ITPKC: variants seen among roughly 807,000 people sequenced by gnomAD.
ITPKC encodes IP3 3-kinase C.
A neutral mutation model predicts 67.1 loss-of-function variants in ITPKC; 33 were observed. The ratio of observed to expected loss-of-function variants is 0.49; its 90% CI spans 0.37 to 0.66. ITPKC has a LOEUF of 0.66. ITPKC is among the 30% of genes least tolerant of loss of function. ITPKC has a pLI of 0.00. For missense variants in ITPKC, 820 were observed against 892.1 expected (o/e 0.92, Z 1.03); for synonymous variants, 341 against 359.8 (o/e 0.95, Z 0.59).
intron 4 of ITPKC, 88 bp from the exon 5 acceptor site, chr19:40,736,898 G>A (rs745651816): frequency 4.2e-5 from 34 of 805,254 alleles, no homozygotes; most frequent in Admixed American, 3.2e-4. Flanking sequence ...CACCGCGCCC[G>A]GCCTCCTGGG....
chr19:40,718,354 C>T (rs952641984), intron 1 of ITPKC, 64 bp downstream of exon 1: 38 of 1,474,008 alleles, frequency 2.6e-5, no homozygotes, highest in Non-Finnish European at 3.2e-5. Flanking sequence ...TCCGCCTTTG[C>T]TTAGGAAGTT....
In ITPKC at chr19:40,737,024, G is replaced by A. The variant is rs1021459722; in HGVS notation, c.1713G>A (p.Thr571=). The stretch of plus-strand genomic sequence containing the variant: ...CCTGTAACACCAACTTCAAGAAGAC[G>A]CAGGCACTGGAGCAGGTGACAAAAG... ...DGTCNTNFKK[T]QALEQVTKVL... The change falls in exon 5 of 7, where the codon ACG becomes ACA. Residue 571 remains threonine (T), a synonymous_variant. Coordinates refer to ENST00000263370, the MANE Select transcript of ITPKC (RefSeq NM_025194.3). The A allele has an allele frequency of 9.4e-6, 15 of 1,594,808 alleles. No homozygotes were observed. Among genetic ancestry groups the A allele is most frequent in the Middle Eastern group, 3.3e-4 (2 of 6,056 alleles).
Position 40,733,872 on chromosome 19 carries a change from C to T in ITPKC, c.1674+508C>T, listed in dbSNP as rs896076800. On this transcript the variant is annotated intron_variant, in intron 4 of 6. Coordinates refer to ENST00000263370, the MANE Select transcript of ITPKC (RefSeq NM_025194.3). Reference sequence around the variant, plus strand: ...AGTAGTTCAGGACTAAGCTGGCCAACATAGGGAGCTTCTGTTTCTAGAAGA... The same window carrying T: ...AGTAGTTCAGGACTAAGCTGGCCAATATAGGGAGCTTCTGTTTCTAGAAGA... 3.3e-5 allele frequency among the ~76,000 whole-genome samples: 5 copies of T among 152,068 alleles called. No individual in the cohort carries two copies. In the East Asian group the frequency reaches 9.6e-4, roughly 29 times the overall value.
Position 40,738,377 on chromosome 19 carries a change from C to T in ITPKC, c.1848+608C>T, listed in dbSNP as rs111332869. ...CCGGGAGGTGGAGCTTGCAGTGAGCCGAGATTGTGCCGCTGCACTCCAGCC... is the reference window on the plus strand; with the variant it reads ...CCGGGAGGTGGAGCTTGCAGTGAGCTGAGATTGTGCCGCTGCACTCCAGCC... On this transcript the variant is annotated intron_variant, in intron 6 of 6. Coordinates refer to ENST00000263370, the MANE Select transcript of ITPKC (RefSeq NM_025194.3). Among the ~76,000 whole-genome samples, 579 of 151,952 alleles carry T rather than the reference C, an allele frequency of 3.8e-3. 4 individuals carry two copies. Among genetic ancestry groups the T allele is most frequent in the African/African-American group, 0.014 (568 of 41,432 alleles).
At chr19:40,722,431 C>T (rs1413535285) in intron 1 of ITPKC, among the ~76,000 whole-genome samples, 9 of 152,184 alleles carry the variant, frequency 5.9e-5, no homozygotes. Context: ...GGGCCGGCAG[C>T]TGGATTGGGG....
chr19:40,737,875 G>T, intron 6 of ITPKC, 106 bp downstream of exon 6: 4 of 1,003,132 alleles, frequency 4.0e-6, no homozygotes, highest in Non-Finnish European at 6.3e-6. Context: ...AAGGGGCTGG[G>T]CGTTGTGGCC....
Position 40,717,533 on chromosome 19 carries a change from C to A in ITPKC, c.398C>A (p.Thr133Lys), listed in dbSNP as rs1472682473. 1.9e-6 allele frequency: 3 copies of A among 1,614,130 alleles called. No individual in the cohort carries two copies. The change falls in exon 1 of 7, where the codon ACG becomes AAG. Residue 133 changes from threonine to lysine, a missense_variant. Physicochemically the swap from Thr to Lys is moderately conservative, Grantham distance 78. Coordinates refer to ENST00000263370, the MANE Select transcript of ITPKC (RefSeq NM_025194.3). ...HLEWSWSELE[T>K]TCLWTETGTD... is the part of the protein sequence containing the mutation. ...GAATGGAGCTGGTCAGAGCTGGAGA[C>A]GACTTGTCTTTGGACGGAGACCGGG...
At chr19:40,733,003 CA>C (rs1281024264) in intron 3 of ITPKC, among the ~76,000 whole-genome samples, 156 bp from the exon 4 acceptor site, 1 of 152,180 alleles carries the variant, frequency 6.6e-6, no homozygotes, top group African/African-American at 2.4e-5. Context: ...CATAACTGCA[CA>C]ACTCTACGTG....
chr19:40,736,561 T>C (rs952415199), intron 4 of ITPKC, among the ~76,000 whole-genome samples: 10 of 152,166 alleles, frequency 6.6e-5, no homozygotes, highest in African/African-American at 2.4e-4. Flanking sequence ...TCGAATGTAG[T>C]GGTGCAATCA....
chr19:40,725,476 C>A (rs1291881486), intron 2 of ITPKC, 37 bp downstream of exon 2: 1 of 1,373,800 alleles, frequency 7.3e-7, no homozygotes, highest in Non-Finnish European at 1.0e-6. Context: ...TGGGCAGAGT[C>A]TCCTGGGCCA....
At position 40,717,735 on chromosome 19, in the gene ITPKC, C is replaced by T. The variant is rs1411120391; in HGVS notation, c.600C>T (p.Asn200=). 3.1e-6 allele frequency: 5 copies of T among 1,613,822 alleles called. No homozygotes were observed. Among genetic ancestry groups the T allele is most frequent in the Non-Finnish European group, 4.2e-6 (5 of 1,179,882 alleles). The change falls in exon 1 of 7, where the codon AAC becomes AAT. Residue 200 remains asparagine (N), a synonymous_variant. Coordinates refer to ENST00000263370, the MANE Select transcript of ITPKC (RefSeq NM_025194.3). ...SWADNLWTHQ[N]SSSLQTHPEG... is the part of the protein sequence containing the mutation. ...CTGATAACCTCTGGACCCACCAGAA[C>T]AGTTCCAGCCTCCAGACTCACCCAG...
chr19:40,730,482 A>G (rs1379771904), intron 3 of ITPKC, among the ~76,000 whole-genome samples: 1 of 152,180 alleles, frequency 6.6e-6, no homozygotes, highest in Non-Finnish European at 1.5e-5. Flanking sequence ...CCCCGACTGA[A>G]GTGAAGGAGC....
chr19:40,733,431 T>TG (rs1461224571), intron 4 of ITPKC, 67 bp downstream of exon 4: 13 of 1,464,196 alleles, frequency 8.9e-6, no homozygotes, highest in African/African-American at 1.4e-5. Flanking sequence ...CAGGGCTTCT[T>TG]GGGGAAAGCC....
Position 40,718,118 on chromosome 19 carries a change from C to G in ITPKC, c.983C>G (p.Pro328Arg). Residue 328 changes from proline to arginine, a missense_variant, in exon 1 of 7, where the codon CCC (proline) becomes CGC (arginine). Transcript: ENST00000263370. ...AAGTGTAGCCCCCTGTGCCCTGTGC[C>G]CCGCCTCATCATTACCCCTGAGACC... ...HLKCSPLCPV[P>R]RLIITPETPE... is the part of the protein sequence containing the mutation. 2 of 1,612,226 alleles carry G rather than the reference C, an allele frequency of 1.2e-6. No homozygotes were observed. The highest frequency in any genetic ancestry group is 2.2e-5 in the East Asian group (1 of 44,868).
At chr19:40,731,887 G>A (rs138948357) in intron 3 of ITPKC, among the ~76,000 whole-genome samples, 70 of 152,148 alleles carry the variant, frequency 4.6e-4, no homozygotes, top group Non-Finnish European at 9.0e-4. Context: ...GCAGGAGGAG[G>A]TCAGAGATTT....
chr19:40,729,459 T>C, intron 3 of ITPKC, 44 bp downstream of exon 3: 1 of 1,539,170 alleles, frequency 6.5e-7, no homozygotes, highest in East Asian at 2.3e-5. Flanking sequence ...GGGCAGGGGG[T>C]GGGCATTATT....
At chr19:40,727,400 T>C (rs1483526015) in intron 2 of ITPKC, among the ~76,000 whole-genome samples, 3 of 151,678 alleles carry the variant, frequency 2.0e-5, no homozygotes, top group African/African-American at 7.3e-5. Context: ...CCCCAAGACT[T>C]AGTGATGGTT....
chr19:40,729,057 T>TA (rs1019061078), intron 2 of ITPKC, 145 bp from the exon 3 acceptor site: 918 of 593,770 alleles, frequency 1.5e-3, no homozygotes, highest in Middle Eastern at 2.3e-3. Flanking sequence ...TTAAAATCAT[T>TA]AAAAAAAAAG....
In ITPKC at chr19:40,725,556, T is replaced by C; in HGVS notation, c.1255+117T>C. On this transcript the variant is annotated intron_variant, in intron 2 of 6. Coordinates refer to ENST00000263370, the MANE Select transcript of ITPKC (RefSeq NM_025194.3). ...GGGCTTGGTGACAGTCCCCACCTTATGGGACTGTTATGGGCAGTGCTTAGG... is the reference window on the plus strand; with the variant it reads ...GGGCTTGGTGACAGTCCCCACCTTACGGGACTGTTATGGGCAGTGCTTAGG... The C allele has an allele frequency of 5.3e-6, 4 of 759,484 alleles. No individual in the cohort carries two copies. The South Asian group carries it at 6.0e-5, about 11-fold the overall frequency. 47.0% of individuals were successfully genotyped at this position (759,484 alleles called of 1,614,324 possible).
Sources: allele counts gnomAD v4.1 joint callset (sites outside exome capture counted in the v4.1 genomes callset), GRCh38; gene constraint gnomAD v4.1.1; transcripts MANE v1.5; gene names NCBI Gene and HGNC (gene_info 2026-07-23, HGNC 2026-07-21).